NDUFAF2: variants seen among roughly 807,000 people sequenced by gnomAD.
NDUFAF2 encodes NADH dehydrogenase [ubiquinone] 1 alpha subcomplex assembly factor 2.
Under a neutral mutation model 22.8 loss-of-function variants are expected in NDUFAF2, and 13 were observed. That is an observed-to-expected ratio of 0.57 (90% CI 0.37 to 0.91). The LOEUF (loss-of-function observed/expected upper bound fraction) is 0.91. Among genes scored for constraint, NDUFAF2 ranks in the 40% least tolerant of loss-of-function variants. The pLI is 0.01. For missense variants in NDUFAF2, 162 were observed against 195.2 expected (o/e 0.83, Z 1.01); for synonymous variants, 53 against 64.2 (o/e 0.83, Z 0.84).
At chr5:60,948,908 A>T (rs969534082) in intron 1 of NDUFAF2, among the ~76,000 whole-genome samples, 2 of 152,114 alleles carry the variant, frequency 1.3e-5, no homozygotes, top group African/African-American at 4.8e-5. Flanking sequence ...TCCCACCAGG[A>T]GTGTATGAGA....
chr5:61,146,707 C>T (rs1180583054), intron 3 of NDUFAF2, among the ~76,000 whole-genome samples: 1 of 152,092 alleles, frequency 6.6e-6, no homozygotes, highest in Non-Finnish European at 1.5e-5. Context: ...TGTTGAGCTT[C>T]TTAGATCTGT....
intron 1 of NDUFAF2, among the ~76,000 whole-genome samples, chr5:60,981,913 G>T (rs1330239162): frequency 6.6e-6 from 1 of 152,100 alleles, no homozygotes; most frequent in East Asian, 1.9e-4. Flanking sequence ...GTAGAAAAAT[G>T]AAACTGGACC....
chr5:61,151,558 C>A (rs1428902192), intron 3 of NDUFAF2, among the ~76,000 whole-genome samples: 1 of 152,176 alleles, frequency 6.6e-6, no homozygotes, highest in East Asian at 1.9e-4. Flanking sequence ...GCGGGCAGAT[C>A]ACCTGAGGTC....
At chr5:61,074,622 T>C (rs1752343589) in intron 2 of NDUFAF2, among the ~76,000 whole-genome samples, 1 of 151,666 alleles carries the variant, frequency 6.6e-6, no homozygotes, top group Non-Finnish European at 1.5e-5. Context: ...TAGCCAGTCG[T>C]GGTGGCACAG....
intron 3 of NDUFAF2, among the ~76,000 whole-genome samples, chr5:61,106,297 A>G (rs1478427939): frequency 1.3e-5 from 2 of 151,470 alleles, no homozygotes; most frequent in Non-Finnish European, 2.9e-5. Flanking sequence ...CACCTTAACT[A>G]GATGGTCAGA....
At chr5:61,121,093 T>G (rs1752970513) in intron 3 of NDUFAF2, among the ~76,000 whole-genome samples, 1 of 152,162 alleles carries the variant, frequency 6.6e-6, no homozygotes, top group Admixed American at 6.6e-5. Context: ...TGATTGCCTC[T>G]GATCTTATAT....
At chr5:60,996,954 T>G (rs1751236089) in intron 1 of NDUFAF2, among the ~76,000 whole-genome samples, 1 of 152,228 alleles carries the variant, frequency 6.6e-6, no homozygotes, top group Non-Finnish European at 1.5e-5. Flanking sequence ...TGATTTTTGG[T>G]TCTCATGAAG....
intron 1 of NDUFAF2, among the ~76,000 whole-genome samples, chr5:60,981,302 G>GA (rs1161308290): frequency 1.3e-5 from 2 of 152,058 alleles, no homozygotes; most frequent in Non-Finnish European, 2.9e-5. Context: ...CATGCTGAAA[G>GA]AAAAAATACA....
At chr5:60,996,771 C>T (rs1164820445) in intron 1 of NDUFAF2, among the ~76,000 whole-genome samples, 8 of 152,184 alleles carry the variant, frequency 5.3e-5, no homozygotes, top group East Asian at 1.9e-4. Flanking sequence ...TGTAGGCGGG[C>T]TTAGCTCAAT....
chr5:61,046,810 T>G (rs1561550475), intron 1 of NDUFAF2, among the ~76,000 whole-genome samples: 2 of 152,190 alleles, frequency 1.3e-5, no homozygotes, highest in Admixed American at 6.5e-5. Flanking sequence ...GGCTACATAA[T>G]GATATTCTCT....
At chr5:61,021,239 G>A (rs1751579837) in intron 1 of NDUFAF2, among the ~76,000 whole-genome samples, 1 of 152,044 alleles carries the variant, frequency 6.6e-6, no homozygotes, top group Admixed American at 6.6e-5. Flanking sequence ...TGTTGGCAGG[G>A]CTGTGTTTCT....
chr5:61,055,222 A>G (rs1009397004), intron 1 of NDUFAF2, among the ~76,000 whole-genome samples: 6 of 152,348 alleles, frequency 3.9e-5, no homozygotes, highest in African/African-American at 1.2e-4. Context: ...CTTACAAATC[A>G]GTTGAATCCT....
chr5:61,123,865 A>T (rs960432213), intron 3 of NDUFAF2, among the ~76,000 whole-genome samples: 2 of 152,128 alleles, frequency 1.3e-5, no homozygotes, highest in African/African-American at 4.8e-5. Flanking sequence ...ATGAATTTTA[A>T]AAAGAAGAAA....
Position 61,152,887 on chromosome 5 carries a change from A to G in NDUFAF2, c.442A>G (p.Ser148Gly), listed in dbSNP as rs772860405. 3 of 1,612,782 alleles carry G rather than the reference A, an allele frequency of 1.9e-6. No individual in the cohort carries two copies. The Admixed American group carries it at 5.0e-5, about 27-fold the overall frequency. The change falls in exon 4 of 4, where the codon AGC (serine) becomes GGC (glycine). Residue 148 changes from serine to glycine, a missense_variant. Coordinates refer to ENST00000296597, the MANE Select transcript of NDUFAF2 (RefSeq NM_174889.5). ...FGKEEPSVAP[S>G]STGKTFQPGS... is the part of the protein sequence containing the mutation. The stretch of plus-strand genomic sequence containing the variant: ...AAAGGAAGAACCCTCAGTGGCTCCC[A>G]GCAGCACTGGTAAAACCTTTCAGCC...
intron 1 of NDUFAF2, among the ~76,000 whole-genome samples, chr5:60,964,452 CTTT>C (rs750442889): frequency 1.4e-5 from 2 of 139,566 alleles, no homozygotes; most frequent in Non-Finnish European, 3.1e-5. Context: ...GTGTACAACA[CTTT>C]TTTTTTTTTT....
chr5:61,114,584 A>T (rs1382282463), intron 3 of NDUFAF2: 1 of 152,108 alleles, frequency 6.6e-6, no homozygotes, highest in Non-Finnish European at 1.5e-5. Context: ...GATGGTCTTG[A>T]TGCTTGTGGA....
intron 1 of NDUFAF2, among the ~76,000 whole-genome samples, chr5:61,030,161 G>A (rs1164684178): frequency 2.0e-5 from 3 of 152,194 alleles, no homozygotes; most frequent in Admixed American, 6.5e-5. Context: ...CAGTGAGTGT[G>A]AGGGTCTTTA....
chr5:61,054,495 A>G (rs1344836832), intron 1 of NDUFAF2, among the ~76,000 whole-genome samples: 2 of 152,126 alleles, frequency 1.3e-5, no homozygotes, highest in African/African-American at 4.8e-5. Context: ...AGTAGCTAAC[A>G]GTGAGGAAAA....
At chr5:60,945,445 A>G in intron 1 of NDUFAF2, 63 bp downstream of exon 1, 1 of 1,611,114 alleles carries the variant, frequency 6.2e-7, no homozygotes, top group South Asian at 1.1e-5. Context: ...AAAGGAGGGA[A>G]AAGTGAGAGC....
Sources: gnomAD v4.1 joint callset for allele counts (sites outside exome capture counted in the v4.1 genomes callset) on GRCh38, gnomAD v4.1.1 for gene constraint, MANE v1.5 for transcripts, NCBI Gene and HGNC (gene_info 2026-07-23, HGNC 2026-07-21) for gene names.